NRXN1: variants seen among roughly 807,000 people sequenced by gnomAD.
The protein encoded by NRXN1 is neurexin 1.
In NRXN1, 39 loss-of-function variants were observed where a neutral mutation model predicts 150.9. The ratio of observed to expected loss-of-function variants is 0.26; its 90% CI spans 0.20 to 0.34. NRXN1 has a LOEUF of 0.34. NRXN1 is among the 10% of genes least tolerant of loss of function. The probability of loss-of-function intolerance (pLI) is 1.00; values close to 1 mark genes in which losing one functional copy is unlikely to be tolerated. For synonymous variants in NRXN1, 924 were observed against 757.0 expected, an observed-to-expected ratio of 1.22 and a Z score of -3.62; for missense variants, 1,815 against 1,949.9, an observed-to-expected ratio of 0.93 and a Z score of 1.30.
At chr2:50,209,619 T>G (rs1039918621) in intron 18 of NRXN1, among the ~76,000 whole-genome samples, 3 of 152,100 alleles carry the variant, frequency 2.0e-5, no homozygotes, top group Non-Finnish European at 4.4e-5. Flanking sequence ...AATTATACCC[T>G]TTGAGAATTT....
chr2:50,521,226 A>T (rs2092780028), intron 12 of NRXN1, among the ~76,000 whole-genome samples: 1 of 152,200 alleles, frequency 6.6e-6, no homozygotes, highest in Non-Finnish European at 1.5e-5. Flanking sequence ...TTTCAAAAGC[A>T]ATTTTAACCA....
chr2:50,564,765 C>T (rs924249206), intron 8 of NRXN1, among the ~76,000 whole-genome samples: 2 of 152,072 alleles, frequency 1.3e-5, no homozygotes, highest in Non-Finnish European at 2.9e-5. Context: ...TGTTATTTTT[C>T]AATTATAACT....
Position 50,225,141 on chromosome 2 carries a change from T to A in NRXN1, c.3546+11648A>T, listed in dbSNP as rs17040272. Among the ~76,000 whole-genome samples, 217 of 152,066 alleles carry A rather than the reference T, an allele frequency of 1.4e-3. 3 individuals carry two copies. In the East Asian group the frequency reaches 0.032, roughly 23 times the overall value. ...GTAAATGGGAAGTCCCAGGAGAACATCACGTGCTTTCACGATTATCCTTTG... is the reference window on the plus strand; with the variant it reads ...GTAAATGGGAAGTCCCAGGAGAACAACACGTGCTTTCACGATTATCCTTTG... On this transcript the variant is annotated intron_variant, in intron 18 of 22. Coordinates refer to ENST00000401669, the MANE Select transcript of NRXN1 (RefSeq NM_001330078.2).
chr2:50,227,188 G>T (rs1479364480), intron 18 of NRXN1, among the ~76,000 whole-genome samples: 5 of 149,998 alleles, frequency 3.3e-5, no homozygotes, highest in African/African-American at 4.9e-5. Flanking sequence ...GAAGTTTGTT[G>T]TTGTTATTTT....
chr2:51,027,317 G>A (rs898132065), intron 2 of NRXN1, among the ~76,000 whole-genome samples, 185 bp downstream of exon 2: 1 of 152,204 alleles, frequency 6.6e-6, no homozygotes, highest in Non-Finnish European at 1.5e-5. Flanking sequence ...CAATCCTTAG[G>A]AGGATGTCAA....
intron 2 of NRXN1, among the ~76,000 whole-genome samples, chr2:50,977,837 C>A (rs766860047): frequency 6.6e-6 from 1 of 151,704 alleles, no homozygotes; most frequent in Non-Finnish European, 1.5e-5. Flanking sequence ...GCACATACTG[C>A]CTCATTCAAA....
intron 2 of NRXN1, 128 bp from the exon 3 acceptor site, chr2:50,926,083 T>A: frequency 1.4e-6 from 1 of 736,956 alleles, no homozygotes; most frequent in Non-Finnish European, 2.4e-6. Context: ...GCTCCATCAC[T>A]ATCATTCAAG....
intron 8 of NRXN1, among the ~76,000 whole-genome samples, chr2:50,560,674 C>T (rs6718772): frequency 0.018 from 2,790 of 152,074 alleles, 47 homozygotes; most frequent in Middle Eastern, 0.051. Flanking sequence ...TCAAGTGATC[C>T]GCCTGCTTTG....
intron 5 of NRXN1, among the ~76,000 whole-genome samples, chr2:50,799,566 G>A (rs1707296976): frequency 6.6e-6 from 1 of 152,162 alleles, no homozygotes; most frequent in Non-Finnish European, 1.5e-5. Context: ...ATATTCACTA[G>A]AAACCGTACG....
At chr2:50,930,071 T>C (rs750145421) in intron 2 of NRXN1, among the ~76,000 whole-genome samples, 1 of 152,050 alleles carries the variant, frequency 6.6e-6, no homozygotes, top group Non-Finnish European at 1.5e-5. Context: ...ATTTCAAACA[T>C]GCTTTTTAAC....
chr2:50,870,310 T>A (rs1677583543), intron 5 of NRXN1, among the ~76,000 whole-genome samples: 1 of 151,884 alleles, frequency 6.6e-6, no homozygotes, highest in Admixed American at 6.6e-5. Flanking sequence ...GTTCCCACAT[T>A]GAGTAAAATT....
chr2:50,616,664 T>C (rs949835273), intron 8 of NRXN1, among the ~76,000 whole-genome samples: 43 of 152,294 alleles, frequency 2.8e-4, no homozygotes, highest in Admixed American at 1.3e-3. Flanking sequence ...AAGTAACTTC[T>C]CTAGGTCTGT....
At chr2:50,250,756 C>T (rs931175636) in intron 17 of NRXN1, among the ~76,000 whole-genome samples, 2 of 151,508 alleles carry the variant, frequency 1.3e-5, no homozygotes, top group Non-Finnish European at 2.9e-5. Context: ...TTGTGTCATT[C>T]TATCTTTATG....
At chr2:50,937,154 T>A (rs1256685332) in intron 2 of NRXN1, among the ~76,000 whole-genome samples, 1 of 152,166 alleles carries the variant, frequency 6.6e-6, no homozygotes, top group African/African-American at 2.4e-5. Context: ...TAAGACCCCT[T>A]ATTCAATAAT....
At chr2:49,933,246 C>T (rs2104230682) in intron 22 of NRXN1, among the ~76,000 whole-genome samples, 1 of 152,126 alleles carries the variant, frequency 6.6e-6, no homozygotes, top group East Asian at 1.9e-4. Context: ...GCCACCACGC[C>T]CGGCTAATTT....
intron 5 of NRXN1, among the ~76,000 whole-genome samples, chr2:50,647,577 G>A (rs993548283): frequency 6.6e-6 from 1 of 151,904 alleles, no homozygotes; most frequent in East Asian, 1.9e-4. Flanking sequence ...ATACTATGGG[G>A]AATATAAATT....
intron 19 of NRXN1, among the ~76,000 whole-genome samples, chr2:50,059,946 T>C (rs1450579750): frequency 6.6e-6 from 1 of 152,212 alleles, no homozygotes; most frequent in Non-Finnish European, 1.5e-5. Context: ...GGAGAACTTC[T>C]GCTAGGGCAG....
chr2:50,830,886 C>A (rs1397929346), intron 5 of NRXN1, among the ~76,000 whole-genome samples: 2 of 151,952 alleles, frequency 1.3e-5, no homozygotes, highest in Non-Finnish European at 2.9e-5. Context: ...CACACACATC[C>A]ACCAAAAGAC....
At chr2:49,995,638 G>T (rs1682813810) in intron 21 of NRXN1, among the ~76,000 whole-genome samples, 1 of 151,542 alleles carries the variant, frequency 6.6e-6, no homozygotes. Flanking sequence ...AAAATGAGCC[G>T]GGCGTGGTGG....
Sources: gnomAD v4.1 joint callset for allele counts (sites outside exome capture counted in the v4.1 genomes callset) on GRCh38, gnomAD v4.1.1 for gene constraint, MANE v1.5 for transcripts, NCBI Gene and HGNC (gene_info 2026-07-23, HGNC 2026-07-21) for gene names.